Variants in EDEM1 observed in about 807,000 individuals in gnomAD.
EDEM1 encodes the protein ER degradation-enhancing alpha-mannosidase-like protein 1.
A neutral mutation model predicts 74.4 loss-of-function variants in EDEM1; 67 were observed. That is an observed-to-expected ratio of 0.90 (90% CI 0.74 to 1.10). EDEM1 has a LOEUF of 1.10. Ranked by LOEUF, EDEM1 falls within the 50% of genes least tolerant of loss-of-function variation. The pLI is 0.00. For missense variants in EDEM1, 926 were observed against 851.6 expected, an observed-to-expected ratio of 1.09 and a Z score of -1.09; for synonymous variants, 382 against 335.9, an observed-to-expected ratio of 1.14 and a Z score of -1.50.
rs1487235085 is a variant in EDEM1 at position 5,201,540 on chromosome 3, T to G, written c.687-213T>G. Among the ~76,000 whole-genome samples the G allele has an allele frequency of 2.0e-5, 3 of 152,206 alleles. 1 individual carries two copies. Among genetic ancestry groups the G allele is most frequent in the African/African-American group, 7.2e-5 (3 of 41,448 alleles). On this transcript the variant is annotated intron_variant, in intron 3 of 11. Transcript: ENST00000256497. Reference sequence around the variant, plus strand: ...TTTTTGGTAGTCTCGAATAAATGATTCCCTTTCTCTCTTTTAGTAATATGG... The same window carrying G: ...TTTTTGGTAGTCTCGAATAAATGATGCCCTTTCTCTCTTTTAGTAATATGG...
intron 8 of EDEM1, among the ~76,000 whole-genome samples, chr3:5,208,959 G>A (rs1198267186): frequency 6.6e-6 from 1 of 152,084 alleles, no homozygotes; most frequent in Non-Finnish European, 1.5e-5. Context: ...ATGCACAGCA[G>A]CACGAGTGGT....
chr3:5,188,899 G>A (rs2054865941), intron 1 of EDEM1, among the ~76,000 whole-genome samples: 3 of 152,202 alleles, frequency 2.0e-5, no homozygotes, highest in Admixed American at 2.0e-4. Flanking sequence ...ATAGTTAGGT[G>A]GTGGGGAGGG....
chr3:5,216,037 T>C lies in EDEM1; in HGVS notation c.*119T>C, dbSNP rs546865716. ...CTTGCTGTCCATGGTGGTGTAGGAA[T>C]TTCTGTGCAACACCTCACCACGTCT... On this transcript the variant is annotated 3_prime_UTR_variant, in exon 12 of 12. Coordinates refer to ENST00000256497, the MANE Select transcript of EDEM1 (RefSeq NM_014674.3). 125 of 785,494 alleles carry C rather than the reference T, an allele frequency of 1.6e-4. 4 individuals are homozygous for C. The South Asian group carries it at 2.1e-3, about 13-fold the overall frequency. 48.7% of individuals were successfully genotyped at this position (785,494 alleles called of 1,614,324 possible).
At chr3:5,208,770 T>TAC (rs536161440) in intron 8 of EDEM1, among the ~76,000 whole-genome samples, 3,349 of 148,338 alleles carry the variant, frequency 0.023, 62 homozygotes, top group African/African-American at 0.047. Context: ...TATATATATA[T>TAC]ACACACACAC....
intron 1 of EDEM1, chr3:5,189,625 G>C (rs554468340): frequency 1.1e-4 from 17 of 152,324 alleles, no homozygotes; most frequent in African/African-American, 3.6e-4. Context: ...TTTTGAGACG[G>C]AGTCTCGCTT....
At chr3:5,202,233 C>G (rs1407262773) in intron 4 of EDEM1, among the ~76,000 whole-genome samples, 1 of 152,182 alleles carries the variant, frequency 6.6e-6, no homozygotes, top group East Asian at 1.9e-4. Context: ...TTCTCTGCTA[C>G]AAAGCAGTGT....
At position 5,205,250 on chromosome 3, in the gene EDEM1, C is replaced by G; in HGVS notation, c.1217+9C>G. ...AACTACTTAAGAAGAGGGTATGTCT[C>G]CCTAACATCTCCTCTGTTGCCTTGT... On this transcript the variant is annotated intron_variant, in intron 6 of 11. Coordinates refer to ENST00000256497, the MANE Select transcript of EDEM1 (RefSeq NM_014674.3). 6.2e-7 allele frequency: 1 copy of G among 1,608,426 alleles called. No individual in the cohort carries two copies. The highest frequency in any genetic ancestry group is 1.3e-5 in the African/African-American group (1 of 74,780).
At chr3:5,199,867 T>C (rs1326004914) in intron 3 of EDEM1, among the ~76,000 whole-genome samples, 172 bp downstream of exon 3, 1 of 152,182 alleles carries the variant, frequency 6.6e-6, no homozygotes, top group African/African-American at 2.4e-5. Context: ...GGAACAATTA[T>C]TTCAAAGTAA....
intron 10 of EDEM1, 74 bp from the exon 11 acceptor site, chr3:5,213,245 T>TG (rs768129022): frequency 5.3e-5 from 76 of 1,431,666 alleles, no homozygotes; most frequent in Non-Finnish European, 7.0e-5. Context: ...CCTGAGTAGC[T>TG]GGGACACGCC....
At chr3:5,203,177 C>T (rs752937926) in intron 5 of EDEM1, 28 bp downstream of exon 5, 12 of 1,511,596 alleles carry the variant, frequency 7.9e-6, no homozygotes, top group East Asian at 2.4e-5. Flanking sequence ...GCCATTGGGA[C>T]TGCACACTGC....
rs1559298697 is a variant in EDEM1, at chr3:5,207,276, A to AT, written c.1338+7dup. 1 of 1,613,442 alleles carries AT rather than the reference A, an allele frequency of 6.2e-7. No homozygotes were observed. The highest frequency in any genetic ancestry group is 2.2e-5 in the East Asian group (1 of 44,866). On this transcript the variant is annotated splice_donor_region_variant and intron_variant, in intron 7 of 11. Transcript: ENST00000256497. ...AGGCCTTTTTCCCTGGACTGCAGGT[A>AT]TTTTGCCATCAGATTTCCTAAGAAT...
chr3:5,201,451 A>C, intron 3 of EDEM1, among the ~76,000 whole-genome samples: 1 of 152,018 alleles, frequency 6.6e-6, no homozygotes, highest in African/African-American at 2.4e-5. Context: ...CACCCAGCCA[A>C]CTCCCTTTTC....
chr3:5,199,456 T>C, intron 2 of EDEM1, 136 bp from the exon 3 acceptor site: 1 of 603,922 alleles, frequency 1.7e-6, no homozygotes, highest in South Asian at 2.2e-5. Flanking sequence ...TAACTGCTTT[T>C]CTGTCTCTTG....
intron 10 of EDEM1, among the ~76,000 whole-genome samples, chr3:5,211,655 T>TGA (rs200253275): frequency 7.1e-3 from 97 of 13,726 alleles, no homozygotes; most frequent in Admixed American, 0.022. Context: ...AGTGAGTGAG[T>TGA]GTGTGTGTGT....
chr3:5,188,070 C>G lies in EDEM1; in HGVS notation c.265C>G (p.Arg89Gly), dbSNP rs776866429. 6.9e-7 allele frequency: 1 copy of G among 1,451,974 alleles called. No individual in the cohort carries two copies. The highest frequency in any genetic ancestry group is 9.1e-7 in the Non-Finnish European group (1 of 1,102,500). 89.9% of individuals were successfully genotyped at this position (1,451,974 alleles called of 1,614,324 possible). Residue 89 changes from arginine to glycine, a missense_variant, in exon 1 of 12, where the codon CGT (arginine) becomes GGT (glycine). Physicochemically the swap from Arg to Gly is moderately radical, Grantham distance 125. Coordinates refer to ENST00000256497, the MANE Select transcript of EDEM1 (RefSeq NM_014674.3). ...AAQSPRKAPR[R>G]PGPGMCGPAN... Reference sequence around the variant, plus strand: ...GCAGAGCCCGCGCAAGGCTCCGCGGCGTCCTGGGCCGGGGATGTGCGGCCC... The same window carrying G: ...GCAGAGCCCGCGCAAGGCTCCGCGGGGTCCTGGGCCGGGGATGTGCGGCCC...
At chr3:5,189,088 G>A (rs1312243502) in intron 1 of EDEM1, among the ~76,000 whole-genome samples, 1 of 152,212 alleles carries the variant, frequency 6.6e-6, no homozygotes, top group Non-Finnish European at 1.5e-5. Context: ...TGCAAAGGCT[G>A]AGCTCCAAGG....
At chr3:5,201,962 C>T (rs1259366553) in intron 4 of EDEM1, 38 bp downstream of exon 4, 2 of 1,572,340 alleles carry the variant, frequency 1.3e-6, no homozygotes, top group Non-Finnish European at 1.7e-6. Context: ...TTTGACAATT[C>T]ACTATCTTCC....
intron 11 of EDEM1, 126 bp from the exon 12 acceptor site, chr3:5,215,703 C>T (rs1011032869): frequency 2.3e-6 from 2 of 879,918 alleles, no homozygotes; most frequent in Non-Finnish European, 3.7e-6. Context: ...CAGGCAGCTT[C>T]CACAACAGTT....
In EDEM1 at chr3:5,202,999, A is replaced by G. The variant is rs1459609756; in HGVS notation, c.892A>G (p.Asn298Asp). 8 of 1,613,846 alleles carry G rather than the reference A, an allele frequency of 5.0e-6. No homozygotes were observed. The highest frequency in any genetic ancestry group is 1.1e-5 in the South Asian group (1 of 91,082). Residue 298 changes from asparagine (N) to aspartate (D), a missense_variant, in exon 5 of 12, where the codon AAT becomes GAT. Physicochemically the swap from Asn to Asp is conservative, Grantham distance 23. Coordinates refer to ENST00000256497, the MANE Select transcript of EDEM1 (RefSeq NM_014674.3). ...AAAGACAGGAGTTCCTCCTGACACC[A>G]ATAATGAGACATGCACAGCGGGAGC... is the stretch of plus-strand genomic sequence containing the variant. Reference protein sequence around the residue: ...NLKTGVPPDTNNETCTAGAGS... With the variant: ...NLKTGVPPDTDNETCTAGAGS...
Sources: gnomAD v4.1 joint callset for allele counts (sites outside exome capture counted in the v4.1 genomes callset) on GRCh38, gnomAD v4.1.1 for gene constraint, MANE v1.5 for transcripts, NCBI Gene and HGNC (gene_info 2026-07-23, HGNC 2026-07-21) for gene names.